Variants in CNTNAP2 observed in about 807,000 individuals in gnomAD.
CNTNAP2 encodes contactin-associated protein-like 2.
In CNTNAP2, 98 loss-of-function variants were observed where a neutral mutation model predicts 155.2. The observed-to-expected ratio is 0.63, with a 90% CI of 0.54 to 0.75. The LOEUF (loss-of-function observed/expected upper bound fraction) is 0.75, where lower values mean the gene tolerates loss of function less well. Ranked by LOEUF, CNTNAP2 falls within the 30% of genes least tolerant of loss-of-function variation. CNTNAP2 has a pLI of 0.00. For synonymous variants in CNTNAP2, 651 were observed against 631.2 expected (o/e 1.03, Z -0.47); for missense variants, 1,727 against 1,688.1 (o/e 1.02, Z -0.40).
At chr7:146,437,654 A>G (rs1185298621) in intron 1 of CNTNAP2, among the ~76,000 whole-genome samples, 4 of 151,672 alleles carry the variant, frequency 2.6e-5, no homozygotes, top group African/African-American at 9.8e-5. Flanking sequence ...AACTAAAAAA[A>G]TAATTGTACA....
At chr7:146,757,876 C>T (rs1389766845) in intron 1 of CNTNAP2, among the ~76,000 whole-genome samples, 3 of 152,188 alleles carry the variant, frequency 2.0e-5, no homozygotes, top group African/African-American at 7.2e-5. Flanking sequence ...TGAACTTCAG[C>T]AATACAGAAT....
In CNTNAP2 at chr7:146,910,907, C is replaced by G. The variant is rs1234138818; in HGVS notation, c.402+71003C>G. ...GAGAAAATTTTCGCAACCTACTCAT[C>G]TGACAAAGAGCTAATATCCAGAATC... On this transcript the variant is annotated intron_variant, in intron 3 of 23. Transcript: ENST00000361727. Among the ~76,000 whole-genome samples, 3 of 151,010 alleles carry G rather than the reference C, an allele frequency of 2.0e-5. No individual in the cohort carries two copies. In the East Asian group the frequency reaches 5.8e-4, roughly 29 times the overall value.
chr7:146,696,257 A>C (rs760654520), intron 1 of CNTNAP2, among the ~76,000 whole-genome samples: 1 of 152,174 alleles, frequency 6.6e-6, no homozygotes, highest in Non-Finnish European at 1.5e-5. Context: ...CAATTTTTAT[A>C]TTGCGCCTTC....
At chr7:147,885,172 T>G (rs10277470) in intron 13 of CNTNAP2, among the ~76,000 whole-genome samples, 4,728 of 152,322 alleles carry the variant, frequency 0.031, 232 homozygotes, top group African/African-American at 0.11. Context: ...TATTTTAATG[T>G]CATCAATTTT....
At chr7:146,988,054 CTA>C (rs1199279516) in intron 3 of CNTNAP2, among the ~76,000 whole-genome samples, 1 of 151,946 alleles carries the variant, frequency 6.6e-6, no homozygotes, top group East Asian at 1.9e-4. Context: ...TTCTGAAATT[CTA>C]TGATTTAGTT....
intron 11 of CNTNAP2, among the ~76,000 whole-genome samples, chr7:147,504,517 C>T (rs1260294974): frequency 1.3e-5 from 2 of 151,818 alleles, no homozygotes; most frequent in African/African-American, 4.8e-5. Flanking sequence ...GGTGAAACCT[C>T]ATCTCTACTA....
chr7:147,642,647 C>G (rs1403413968), intron 13 of CNTNAP2, among the ~76,000 whole-genome samples: 3 of 152,154 alleles, frequency 2.0e-5, no homozygotes, highest in Non-Finnish European at 4.4e-5. Flanking sequence ...TCTTTAACCT[C>G]TAGATACCCC....
intron 1 of CNTNAP2, among the ~76,000 whole-genome samples, chr7:146,265,221 T>G (rs547405099): frequency 6.6e-6 from 1 of 152,320 alleles, no homozygotes; most frequent in African/African-American, 2.4e-5. Flanking sequence ...AATACCATTA[T>G]GTATGTATGT....
intron 11 of CNTNAP2, 29 bp from the exon 12 acceptor site, chr7:147,562,109 G>C (rs779790979): frequency 6.8e-6 from 11 of 1,613,406 alleles, no homozygotes; most frequent in Non-Finnish European, 8.5e-6. Context: ...TCTGTGCTGT[G>C]CTTATGTAGG....
chr7:146,464,830 G>A (rs759746003), intron 1 of CNTNAP2, among the ~76,000 whole-genome samples: 3 of 152,058 alleles, frequency 2.0e-5, no homozygotes. Flanking sequence ...CTGGGCAAGC[G>A]GGAATGAATT....
intron 3 of CNTNAP2, among the ~76,000 whole-genome samples, chr7:146,969,418 G>T (rs1395439097): frequency 6.6e-6 from 1 of 152,080 alleles, no homozygotes; most frequent in Non-Finnish European, 1.5e-5. Context: ...GGGTGTTAAA[G>T]TCTCCCATTA....
intron 1 of CNTNAP2, among the ~76,000 whole-genome samples, chr7:146,475,009 GCGCGCACACACACACACACACA>G (rs1223252704): frequency 3.1e-5 from 4 of 129,502 alleles, no homozygotes; most frequent in Non-Finnish European, 4.9e-5. Context: ...ACGCGCGCGC[GCGCGCACACACACACACACACA>G]CACACACACG....
At chr7:146,496,581 G>T (rs938616018) in intron 1 of CNTNAP2, among the ~76,000 whole-genome samples, 5 of 152,134 alleles carry the variant, frequency 3.3e-5, no homozygotes, top group African/African-American at 9.7e-5. Context: ...TTCTAGAAGG[G>T]TTTTGCTTTC....
At chr7:148,194,679 C>T (rs190571211) in intron 18 of CNTNAP2, among the ~76,000 whole-genome samples, 19 of 152,164 alleles carry the variant, frequency 1.2e-4, no homozygotes, top group Admixed American at 5.2e-4. Context: ...CAGTCCAAGA[C>T]GAGAGGCCTA....
chr7:147,156,820 A>G (rs546680263), intron 8 of CNTNAP2, among the ~76,000 whole-genome samples: 2 of 152,266 alleles, frequency 1.3e-5, no homozygotes, highest in East Asian at 1.9e-4. Flanking sequence ...GAAAGTAATT[A>G]TGGCATCTTC....
intron 13 of CNTNAP2, among the ~76,000 whole-genome samples, chr7:147,871,675 T>G (rs1799329749): frequency 6.8e-6 from 1 of 146,254 alleles, no homozygotes; most frequent in Non-Finnish European, 1.5e-5. Flanking sequence ...TTTTTTTTTT[T>G]GCCCCTTTTT....
chr7:146,787,177 T>C (rs1802587861), intron 2 of CNTNAP2, among the ~76,000 whole-genome samples: 1 of 152,186 alleles, frequency 6.6e-6, no homozygotes, highest in Non-Finnish European at 1.5e-5. Flanking sequence ...AAAAGTATTG[T>C]TGACTTCCTT....
At chr7:148,111,455 T>C (rs1218768249) in intron 15 of CNTNAP2, among the ~76,000 whole-genome samples, 1 of 149,994 alleles carries the variant, frequency 6.7e-6, no homozygotes, top group African/African-American at 2.5e-5. Flanking sequence ...TAAAACACAA[T>C]GACAGTATTG....
chr7:147,143,781 A>T (rs1801646742), intron 8 of CNTNAP2, among the ~76,000 whole-genome samples: 2 of 152,094 alleles, frequency 1.3e-5, no homozygotes, highest in African/African-American at 2.4e-5. Flanking sequence ...GATTTTTTTT[A>T]AAGATATTAA....
Sources: gnomAD v4.1 joint callset for allele counts (sites outside exome capture counted in the v4.1 genomes callset) on GRCh38, gnomAD v4.1.1 for gene constraint, MANE v1.5 for transcripts, NCBI Gene and HGNC (gene_info 2026-07-23, HGNC 2026-07-21) for gene names.